Variants in POLR3G observed in about 807,000 individuals in gnomAD.
POLR3G encodes the protein RNA polymerase III subunit G, also known as DNA-directed RNA polymerase III subunit RPC7.
Under a neutral mutation model 30.1 loss-of-function variants are expected in POLR3G, and 28 were observed. The observed-to-expected ratio is 0.93, with a 90% CI of 0.69 to 1.27. The LOEUF (loss-of-function observed/expected upper bound fraction) is 1.27. POLR3G is among the 50% of genes most tolerant of loss of function. The pLI is 0.00. For missense variants in POLR3G, 254 were observed against 264.6 expected, an observed-to-expected ratio of 0.96 and a Z score of 0.28; for synonymous variants, 79 against 82.5, an observed-to-expected ratio of 0.96 and a Z score of 0.23.
At chr5:90,483,139 G>A (rs1199728627) in intron 1 of POLR3G, among the ~76,000 whole-genome samples, 1 of 68,078 alleles carries the variant, frequency 1.5e-5, no homozygotes, top group Non-Finnish European at 2.9e-5. Context: ...AAACTCCTCC[G>A]TCTCAAAAAA....
chr5:90,510,541 G>A (rs1237714023), intron 7 of POLR3G, among the ~76,000 whole-genome samples: 2 of 151,916 alleles, frequency 1.3e-5, no homozygotes, highest in Non-Finnish European at 2.9e-5. Flanking sequence ...TGTACAAATC[G>A]GCTTACTTTT....
At chr5:90,476,389 A>G (rs1400524894) in intron 1 of POLR3G, among the ~76,000 whole-genome samples, 5 of 152,346 alleles carry the variant, frequency 3.3e-5, no homozygotes, top group East Asian at 1.9e-4. Flanking sequence ...AATTACTTGC[A>G]AAATAAAGCA....
intron 3 of POLR3G, among the ~76,000 whole-genome samples, chr5:90,494,558 AT>A (rs1181463573): frequency 3.4e-5 from 5 of 147,992 alleles, no homozygotes; most frequent in Admixed American, 6.8e-5. Flanking sequence ...AACATTTCTT[AT>A]TTTTTTTTTA....
intron 6 of POLR3G, chr5:90,502,380 T>C: frequency 1.1e-6 from 1 of 910,914 alleles, no homozygotes; most frequent in Non-Finnish European, 1.3e-6. Flanking sequence ...TTTAATGCTT[T>C]TTTTTTGGTC....
rs370559803 is a variant in POLR3G, at chr5:90,485,618, G to A, written c.51G>A (p.Glu17=). Residue 17 remains glutamate, a synonymous_variant, in exon 2 of 8, where the codon GAG becomes GAA. Transcript: ENST00000651687. Reference sequence around the variant, plus strand: ...GTGCTGCTTATACCTTTAATATTGAGGCTGTTGGATTTAGCAAAGGTGAAA... The same window carrying A: ...GTGCTGCTTATACCTTTAATATTGAAGCTGTTGGATTTAGCAAAGGTGAAA... The part of the protein sequence containing the change: ...RGRAAYTFNI[E]AVGFSKGEKL... 2.5e-5 allele frequency: 40 copies of A among 1,614,026 alleles called. No homozygotes were observed. In the African/African-American group the frequency reaches 5.1e-4, roughly 20 times the overall value.
intron 2 of POLR3G, 50 bp downstream of exon 2, chr5:90,485,734 G>C: frequency 1.5e-6 from 2 of 1,353,302 alleles, no homozygotes; most frequent in Non-Finnish European, 2.1e-6. Context: ...TCATTTTTCA[G>C]AGAATATTAA....
chr5:90,474,388 T>C (rs537775001), upstream of POLR3G: 28 of 1,165,760 alleles, frequency 2.4e-5, no homozygotes, highest in Middle Eastern at 4.3e-4. Context: ...TGAAGCGGTC[T>C]GCCTGCAGCC....
At chr5:90,495,035 T>C (rs1201653021) in intron 3 of POLR3G, among the ~76,000 whole-genome samples, 1 of 152,168 alleles carries the variant, frequency 6.6e-6, no homozygotes, top group Non-Finnish European at 1.5e-5. Flanking sequence ...AGTTAAAACA[T>C]TTTACCTGAA....
In POLR3G at chr5:90,475,486, A is replaced by ATTATTATTTATTTATTTATTTAT. The variant is rs1554037793; in HGVS notation, c.-44+471_-44+472insATTTATTTATTTATTTATTTATT. Among the ~76,000 whole-genome samples, 208 of 144,416 alleles carry ATTATTATTTATTTATTTATTTAT rather than the reference A, an allele frequency of 1.4e-3. 1 individual carries two copies. The highest frequency in any genetic ancestry group is 5.1e-3 in the African/African-American group (205 of 40,210). The allele number at this position is 144,416 out of a possible 152,430, so 94.7% of individuals were successfully genotyped here. On this transcript the variant is annotated intron_variant, in intron 1 of 7. Transcript: ENST00000651687. ...TATCCACCCTTTTTTTAATTTTATT[A>ATTATTATTTATTTATTTATTTAT]TTATTTATTTATTTATTTATTTATT... is the stretch of plus-strand genomic sequence containing the variant.
intron 7 of POLR3G, among the ~76,000 whole-genome samples, chr5:90,509,475 G>A (rs2151915915): frequency 6.6e-6 from 1 of 152,302 alleles, no homozygotes; most frequent in African/African-American, 2.4e-5. Flanking sequence ...AGACAAAAAA[G>A]GTAACAGTTA....
At chr5:90,503,141 T>C (rs1452286309) in intron 6 of POLR3G, among the ~76,000 whole-genome samples, 2 of 152,190 alleles carry the variant, frequency 1.3e-5, no homozygotes, top group African/African-American at 2.4e-5. Context: ...TTGAAACTTA[T>C]TCTGTGCCAG....
At chr5:90,492,604 C>T (rs1316397751) in intron 3 of POLR3G, among the ~76,000 whole-genome samples, 3 of 152,058 alleles carry the variant, frequency 2.0e-5, no homozygotes, top group Admixed American at 1.3e-4. Flanking sequence ...AGACATCAGC[C>T]GGGCGCAGTG....
chr5:90,503,741 C>T (rs1347164044), intron 6 of POLR3G, among the ~76,000 whole-genome samples: 6 of 152,062 alleles, frequency 3.9e-5, no homozygotes, highest in Non-Finnish European at 8.8e-5. Flanking sequence ...TATAATAGAG[C>T]ATTCGTGGAT....
intron 1 of POLR3G, among the ~76,000 whole-genome samples, chr5:90,484,635 A>C (rs1167581317): frequency 6.6e-6 from 1 of 152,168 alleles, no homozygotes; most frequent in Non-Finnish European, 1.5e-5. Context: ...AAGGAGGGCA[A>C]GTGAGTAGAT....
chr5:90,484,123 G>A (rs1751289868), intron 1 of POLR3G, among the ~76,000 whole-genome samples: 1 of 152,134 alleles, frequency 6.6e-6, no homozygotes, highest in Non-Finnish European at 1.5e-5. Context: ...CAAGAGATCT[G>A]GATTGATTGG....
chr5:90,496,210 C>T (rs988536068), intron 4 of POLR3G, among the ~76,000 whole-genome samples: 2 of 152,062 alleles, frequency 1.3e-5, no homozygotes, highest in Non-Finnish European at 2.9e-5. Context: ...CCTCATGATC[C>T]GCCCGCCTCA....
In POLR3G at chr5:90,492,014, C is replaced by G. The variant is rs10074717; in HGVS notation, c.248-3663C>G. On this transcript the variant is annotated intron_variant, in intron 3 of 7. Coordinates refer to ENST00000651687, the MANE Select transcript of POLR3G (RefSeq NM_006467.3). Reference sequence around the variant, plus strand: ...TTTCATTTAATACAATTGAAAATTTCAAAAATTTTTAATTTTTTGCTCATA... The same window carrying G: ...TTTCATTTAATACAATTGAAAATTTGAAAAATTTTTAATTTTTTGCTCATA... Among the ~76,000 whole-genome samples the G allele has an allele frequency of 4.4e-3, 666 of 152,104 alleles. 5 individuals are homozygous for G. Among genetic ancestry groups the G allele is most frequent in the African/African-American group, 0.015 (603 of 41,498 alleles).
At position 90,508,329 on chromosome 5, in the gene POLR3G, C is replaced by CTT. The variant is rs70999490; in HGVS notation, c.585+1665_585+1666dup. ...ACTCAGTGTCTTCCTTCCTCCTCCT[C>CTT]TTTTTTTTTTTAATCAAGGGAGGAA... On this transcript the variant is annotated intron_variant, in intron 7 of 7. Coordinates refer to ENST00000651687, the MANE Select transcript of POLR3G (RefSeq NM_006467.3). Among the ~76,000 whole-genome samples the CTT allele has an allele frequency of 4.3e-3, 630 of 146,440 alleles. 5 individuals carry two copies. Among genetic ancestry groups the CTT allele is most frequent in the African/African-American group, 0.015 (593 of 40,106 alleles).
intron 5 of POLR3G, among the ~76,000 whole-genome samples, chr5:90,498,368 C>T (rs559470242): frequency 6.6e-6 from 1 of 152,042 alleles, no homozygotes; most frequent in East Asian, 1.9e-4. Context: ...GTATATTGCA[C>T]TCAGGTAGTG....
Sources: gnomAD v4.1 joint callset for allele counts (sites outside exome capture counted in the v4.1 genomes callset) on GRCh38, gnomAD v4.1.1 for gene constraint, MANE v1.5 for transcripts, NCBI Gene and HGNC (gene_info 2026-07-23, HGNC 2026-07-21) for gene names.